Variants in PTPRK observed in about 807,000 individuals in gnomAD.
PTPRK encodes the protein protein tyrosine phosphatase receptor type K.
A neutral mutation model predicts 178.0 loss-of-function variants in PTPRK; 75 were observed. The observed-to-expected ratio is 0.42, with a 90% confidence interval of 0.35 to 0.51. The LOEUF (loss-of-function observed/expected upper bound fraction) is 0.51, where lower values mean the gene tolerates loss of function less well. PTPRK is among the 20% of genes least tolerant of loss of function. The probability of loss-of-function intolerance (pLI) is 0.02; values close to 1 mark genes in which losing one functional copy is unlikely to be tolerated. For missense variants in PTPRK, 1,441 were observed against 1,797.8 expected (o/e 0.80, Z 3.59); for synonymous variants, 637 against 620.6 (o/e 1.03, Z -0.39).
chr6:128,297,183 A>AAT (rs1488080123), intron 3 of PTPRK, among the ~76,000 whole-genome samples: 1 of 152,042 alleles, frequency 6.6e-6, no homozygotes, highest in Non-Finnish European at 1.5e-5. Flanking sequence ...AACTATCCTA[A>AAT]ATATATATGC....
intron 7 of PTPRK, among the ~76,000 whole-genome samples, chr6:128,168,263 C>T (rs991845333): frequency 6.6e-6 from 1 of 152,068 alleles, no homozygotes; most frequent in Non-Finnish European, 1.5e-5. Context: ...AAAATATAAA[C>T]AGCCCTAAGT....
chr6:128,509,754 G>C (rs1664111028), intron 1 of PTPRK, among the ~76,000 whole-genome samples: 2 of 152,064 alleles, frequency 1.3e-5, no homozygotes, highest in South Asian at 4.1e-4. Flanking sequence ...AAGTGACAGA[G>C]CTTAAGACTG....
At chr6:128,134,801 C>G (rs965724552) in intron 7 of PTPRK, among the ~76,000 whole-genome samples, 1 of 152,102 alleles carries the variant, frequency 6.6e-6, no homozygotes, top group Non-Finnish European at 1.5e-5. Context: ...AAGACCCTAT[C>G]TTAAAACCAA....
intron 1 of PTPRK, among the ~76,000 whole-genome samples, chr6:128,466,810 T>C (rs904408355): frequency 1.3e-5 from 2 of 152,100 alleles, no homozygotes; most frequent in Admixed American, 6.6e-5. Flanking sequence ...GCATTTAATA[T>C]ACATAAATTT....
At chr6:128,154,452 G>A (rs765770086) in intron 7 of PTPRK, among the ~76,000 whole-genome samples, 16 of 151,648 alleles carry the variant, frequency 1.1e-4, no homozygotes, top group Admixed American at 5.3e-4. Flanking sequence ...AAGGTTTAAT[G>A]ATGGTAAACT....
chr6:128,196,309 G>A (rs924881653), intron 6 of PTPRK, among the ~76,000 whole-genome samples: 3 of 152,016 alleles, frequency 2.0e-5, no homozygotes, highest in African/African-American at 7.2e-5. Flanking sequence ...TAATCAAAGT[G>A]CTATCAAAAT....
intron 3 of PTPRK, among the ~76,000 whole-genome samples, chr6:128,268,616 T>C (rs1819315373): frequency 6.6e-6 from 1 of 152,042 alleles, no homozygotes; most frequent in Admixed American, 6.6e-5. Flanking sequence ...TCTGTAATAA[T>C]CATTGTGCCC....
At chr6:128,247,562 G>A (rs9491930) in intron 3 of PTPRK, among the ~76,000 whole-genome samples, 60 of 152,132 alleles carry the variant, frequency 3.9e-4, no homozygotes, top group African/African-American at 1.4e-3. Context: ...CAAGTGATCT[G>A]CCTGCCTCAG....
Position 128,136,673 on chromosome 6 carries a change from T to C in PTPRK, c.1163-46681A>G, listed in dbSNP as rs1454483441. Among the ~76,000 whole-genome samples the C allele has an allele frequency of 3.9e-5, 6 of 152,350 alleles. No individual in the cohort carries two copies. The East Asian group carries it at 7.7e-4, about 20-fold the overall frequency. On this transcript the variant is annotated intron_variant, in intron 7 of 29. Coordinates refer to ENST00000368226, the MANE Select transcript of PTPRK (RefSeq NM_002844.4). ...TCATTAGGATTTTACTGTTGTAGCA[T>C]AATTCTGAAGTATTTTTATTGTTTT...
intron 13 of PTPRK, among the ~76,000 whole-genome samples, chr6:128,018,733 G>A (rs554104736): frequency 1.3e-5 from 2 of 152,020 alleles, no homozygotes; most frequent in South Asian, 2.1e-4. Context: ...AAACAGATTC[G>A]AATAAAGTTC....
intron 12 of PTPRK, among the ~76,000 whole-genome samples, 186 bp downstream of exon 12, chr6:128,067,333 G>A (rs564111278): frequency 6.6e-6 from 1 of 152,282 alleles, no homozygotes; most frequent in African/African-American, 2.4e-5. Context: ...CTGTGAAATG[G>A]AACTGGCGTG....
chr6:128,345,574 C>T (rs1213314986), intron 2 of PTPRK, among the ~76,000 whole-genome samples: 2 of 152,116 alleles, frequency 1.3e-5, no homozygotes, highest in Admixed American at 6.5e-5. Context: ...TGAGAAAAGC[C>T]CAACATCTGA....
At chr6:128,307,163 ATAT>A (rs1826524682) in intron 3 of PTPRK, among the ~76,000 whole-genome samples, 2 of 87,336 alleles carry the variant, frequency 2.3e-5, no homozygotes, top group African/African-American at 1.2e-4. Context: ...AAAAAAAAAT[ATAT>A]ATATATATAT....
intron 2 of PTPRK, among the ~76,000 whole-genome samples, chr6:128,360,878 T>C (rs1253041338): frequency 6.6e-6 from 1 of 152,162 alleles, no homozygotes; most frequent in African/African-American, 2.4e-5. Flanking sequence ...ATGTAAATAC[T>C]ACCCAACAGA....
intron 1 of PTPRK, among the ~76,000 whole-genome samples, chr6:128,446,102 T>C (rs1445884089): frequency 6.6e-6 from 1 of 152,164 alleles, no homozygotes; most frequent in African/African-American, 2.4e-5. Context: ...ACCTATGACT[T>C]TGCAACCTGC....
At chr6:128,234,581 T>A (rs1474234797) in intron 5 of PTPRK, among the ~76,000 whole-genome samples, 2 of 152,258 alleles carry the variant, frequency 1.3e-5, no homozygotes, top group East Asian at 1.9e-4. Context: ...ATAAAGGATA[T>A]GACCTTTTTG....
chr6:128,035,465 C>A (rs1329644937), intron 13 of PTPRK, among the ~76,000 whole-genome samples: 1 of 152,108 alleles, frequency 6.6e-6, no homozygotes, highest in Non-Finnish European at 1.5e-5. Flanking sequence ...GGACACAAAA[C>A]GACAACATGG....
chr6:128,291,394 A>C (rs1823362419), intron 3 of PTPRK, among the ~76,000 whole-genome samples: 1 of 152,160 alleles, frequency 6.6e-6, no homozygotes, highest in African/African-American at 2.4e-5. Flanking sequence ...CTACTGACCT[A>C]GAACTGTAAG....
Position 127,976,800 on chromosome 6 carries a change from T to C in PTPRK, c.3844-18A>G. 1 of 1,593,506 alleles carries C rather than the reference T, an allele frequency of 6.3e-7. No homozygotes were observed. Among genetic ancestry groups the C allele is most frequent in the Non-Finnish European group, 8.5e-7 (1 of 1,174,940 alleles). ...GGGCAGCCCTAAATGATGAACGTTT[T>C]GAAAGAAAAAAAAAAAGAGTATTAT... On this transcript the variant is annotated intron_variant, in intron 26 of 29. Coordinates refer to ENST00000368226, the MANE Select transcript of PTPRK (RefSeq NM_002844.4).
Sources: gnomAD v4.1 joint callset for allele counts (sites outside exome capture counted in the v4.1 genomes callset) on GRCh38, gnomAD v4.1.1 for gene constraint, MANE v1.5 for transcripts, NCBI Gene and HGNC (gene_info 2026-07-23, HGNC 2026-07-21) for gene names.